The following IFNGR2 variants were observed in gnomAD, a reference collection of about 807,000 sequenced individuals.
IFNGR2 encodes IFN-gamma receptor 2.
Under a neutral mutation model 41.1 loss-of-function variants are expected in IFNGR2, and 15 were observed. That is an observed-to-expected ratio of 0.37 (90% CI 0.24 to 0.56). IFNGR2 has a LOEUF of 0.56. Among genes scored for constraint, IFNGR2 ranks in the 20% least tolerant of loss-of-function variants. The probability of loss-of-function intolerance (pLI) is 0.81; values close to 1 mark genes in which losing one functional copy is unlikely to be tolerated. For synonymous variants in IFNGR2, 161 were observed against 171.6 expected, an observed-to-expected ratio of 0.94 and a Z score of 0.48; for missense variants, 362 against 415.7, an observed-to-expected ratio of 0.87 and a Z score of 1.12.
intron 1 of IFNGR2, among the ~76,000 whole-genome samples, chr21:33,413,675 C>T (rs1023296624): frequency 1.3e-5 from 2 of 151,936 alleles, no homozygotes; most frequent in African/African-American, 4.8e-5. Context: ...GTGGCAGTTT[C>T]TTCTAGGTCC....
rs572203043 is a variant in IFNGR2 at position 33,410,039 on chromosome 21, G to A, written c.74-4849G>A. Reference sequence around the variant, plus strand: ...GTCCATTTTATGGGCGAACATACCAGTAAGTTCCTTGCCTTCGGGGAAGTT... The same window carrying A: ...GTCCATTTTATGGGCGAACATACCAATAAGTTCCTTGCCTTCGGGGAAGTT... On this transcript the variant is annotated intron_variant, in intron 1 of 6. Transcript: ENST00000290219. Among the ~76,000 whole-genome samples, 5 of 152,216 alleles carry A rather than the reference G, an allele frequency of 3.3e-5. No individual in the cohort carries two copies. The South Asian group carries it at 1.0e-3, about 31-fold the overall frequency.
At chr21:33,428,209 ATT>A (rs34770974) in intron 4 of IFNGR2, among the ~76,000 whole-genome samples, 33,049 of 140,172 alleles carry the variant, frequency 0.24, 4,175 homozygotes, top group Middle Eastern at 0.31. Flanking sequence ...CTTCTCCTTC[ATT>A]TTTTTTTTTT....
chr21:33,410,523 C>T (rs2083708261), intron 1 of IFNGR2, among the ~76,000 whole-genome samples: 1 of 136,240 alleles, frequency 7.3e-6, no homozygotes, highest in African/African-American at 2.8e-5. Context: ...AGCTGGAGTG[C>T]AGTGGCGTGA....
chr21:33,418,893 C>T (rs939310051), intron 2 of IFNGR2, among the ~76,000 whole-genome samples: 7 of 152,198 alleles, frequency 4.6e-5, no homozygotes, highest in Admixed American at 3.3e-4. Context: ...TTCCAGATCA[C>T]GCCTCCTGGT....
chr21:33,415,827 T>TGTGTGTGTGTGTGTGCACGTGTGC (rs2083749630), intron 2 of IFNGR2, among the ~76,000 whole-genome samples: 1 of 150,792 alleles, frequency 6.6e-6, no homozygotes, highest in South Asian at 2.1e-4. Context: ...AGTTTTCCAA[T>TGTGTGTGTGTGTGTGCACGTGTGC]GTGTGTGTGT....
intron 3 of IFNGR2, among the ~76,000 whole-genome samples, chr21:33,422,877 C>CAAAAAAAA (rs71194843): frequency 1.7e-4 from 6 of 34,950 alleles, no homozygotes; most frequent in Non-Finnish European, 2.2e-4. Context: ...AACTCCATCT[C>CAAAAAAAA]AAAAAAAAAA....
intron 2 of IFNGR2, among the ~76,000 whole-genome samples, chr21:33,415,372 G>A (rs751761067): frequency 6.6e-6 from 1 of 152,160 alleles, no homozygotes; most frequent in Non-Finnish European, 1.5e-5. Context: ...CTTAAAAATC[G>A]GATTGATTTA....
chr21:33,430,340 T>C (rs913032517), intron 4 of IFNGR2, among the ~76,000 whole-genome samples: 1 of 152,262 alleles, frequency 6.6e-6, no homozygotes, highest in African/African-American at 2.4e-5. Flanking sequence ...CGTGTCTTCC[T>C]CTGCCCTGGC....
At chr21:33,419,103 A>T (rs1360933726) in intron 2 of IFNGR2, among the ~76,000 whole-genome samples, 1 of 152,032 alleles carries the variant, frequency 6.6e-6, no homozygotes, top group Non-Finnish European at 1.5e-5. Context: ...TTTTTATTTT[A>T]TCTTATTTAT....
chr21:33,426,741 GAT>G, intron 3 of IFNGR2, 141 bp from the exon 4 acceptor site: 1 of 464,466 alleles, frequency 2.2e-6, no homozygotes, highest in Admixed American at 4.1e-5. Context: ...TAAATAAAGA[GAT>G]AGATAAAAAC....
chr21:33,434,378 C>T (rs78430925), intron 6 of IFNGR2, among the ~76,000 whole-genome samples: 3 of 151,938 alleles, frequency 2.0e-5, no homozygotes, highest in African/African-American at 4.8e-5. Context: ...AAAAATTAGC[C>T]GGGCGTGGTG....
rs145984536 is a variant in IFNGR2 at position 33,408,056 on chromosome 21, G to A, written c.73+4440G>A. 1.4e-3 allele frequency among the ~76,000 whole-genome samples: 211 copies of A among 151,868 alleles called. 4 individuals carry two copies. In the South Asian group the frequency reaches 0.017, roughly 12 times the overall value. On this transcript the variant is annotated intron_variant, in intron 1 of 6. Coordinates refer to ENST00000290219, the MANE Select transcript of IFNGR2 (RefSeq NM_005534.4). ...AATTGACTTTCATCATAATGTCCCC[G>A]CCCCCAATAGAAAGATCCTAAAGGG...
intron 4 of IFNGR2, among the ~76,000 whole-genome samples, chr21:33,427,838 T>TC (rs1226547781): frequency 4.1e-5 from 5 of 121,604 alleles, no homozygotes; most frequent in Non-Finnish European, 8.0e-5. Flanking sequence ...CTTCATCTCA[T>TC]TTCATCTTTT....
At chr21:33,416,538 G>A (rs2083754532) in intron 2 of IFNGR2, among the ~76,000 whole-genome samples, 1 of 152,098 alleles carries the variant, frequency 6.6e-6, no homozygotes, top group Non-Finnish European at 1.5e-5. Context: ...GAATAGAAAA[G>A]TAGGCCAGGC....
At chr21:33,417,338 C>A (rs538545925) in intron 2 of IFNGR2, among the ~76,000 whole-genome samples, 2 of 152,282 alleles carry the variant, frequency 1.3e-5, no homozygotes, top group African/African-American at 4.8e-5. Flanking sequence ...GATCCACCCA[C>A]CTCAACCTCC....
In IFNGR2 at chr21:33,403,620, A is replaced by G; in HGVS notation, c.73+4A>G. ...GCCGCCGCCGCGGCCCCGCCAGGTG[A>G]GCCGGGCCTGGGCCTCCGCGGCGGG... On this transcript the variant is annotated splice_donor_region_variant and intron_variant, in intron 1 of 6. Coordinates refer to ENST00000290219, the MANE Select transcript of IFNGR2 (RefSeq NM_005534.4). The G allele has an allele frequency of 7.5e-7, 1 of 1,340,378 alleles. No individual in the cohort carries two copies. Among genetic ancestry groups the G allele is most frequent in the Non-Finnish European group, 9.6e-7 (1 of 1,046,852 alleles). 83.0% of individuals were successfully genotyped at this position (1,340,378 alleles called of 1,614,324 possible). A position where few individuals can be genotyped will look rare whatever the true frequency, so the allele number is the denominator to read the frequency against.
intron 2 of IFNGR2, among the ~76,000 whole-genome samples, chr21:33,420,931 T>C (rs1193189907): frequency 6.6e-6 from 1 of 152,016 alleles, no homozygotes; most frequent in East Asian, 1.9e-4. Context: ...GCACAGTGGC[T>C]CACGCTTGTA....
intron 2 of IFNGR2, among the ~76,000 whole-genome samples, chr21:33,416,303 T>TA (rs2083752611): frequency 6.6e-6 from 1 of 152,248 alleles, no homozygotes; most frequent in Non-Finnish European, 1.5e-5. Context: ...CCTGCTAACT[T>TA]ACGCTTGAAC....
intron 3 of IFNGR2, among the ~76,000 whole-genome samples, chr21:33,422,800 C>T (rs1041865338): frequency 7.2e-5 from 10 of 138,176 alleles, no homozygotes; most frequent in African/African-American, 1.4e-4. Context: ...TCGCTTGAAC[C>T]GGGGAGGCAG....
Sources: allele counts gnomAD v4.1 joint callset (sites outside exome capture counted in the v4.1 genomes callset), GRCh38; gene constraint gnomAD v4.1.1; transcripts MANE v1.5; gene names NCBI Gene and HGNC (gene_info 2026-07-23, HGNC 2026-07-21).